The following INSC variants were observed in gnomAD, a reference collection of about 807,000 sequenced individuals.
The protein encoded by INSC is INSC spindle orientation adaptor protein, also known as protein inscuteable homolog.
INSC carries 67 observed loss-of-function variants against 58.6 expected under a neutral mutation model. The ratio of observed to expected loss-of-function variants is 1.14; its 90% confidence interval spans 0.94 to 1.40. INSC has a LOEUF of 1.40. INSC is among the 40% of genes most tolerant of loss of function. INSC has a pLI of 0.00. For synonymous variants in INSC, 262 were observed against 276.1 expected, an observed-to-expected ratio of 0.95 and a Z score of 0.51; for missense variants, 714 against 692.0, an observed-to-expected ratio of 1.03 and a Z score of -0.36.
intron 2 of INSC, among the ~76,000 whole-genome samples, chr11:15,164,590 T>G (rs1849131359): frequency 6.6e-6 from 1 of 152,234 alleles, no homozygotes; most frequent in Admixed American, 6.5e-5. Context: ...CTCCTTCTAG[T>G]TTCAGCCACT....
At chr11:15,166,912 T>C (rs187367188) in intron 2 of INSC, among the ~76,000 whole-genome samples, 32 of 152,300 alleles carry the variant, frequency 2.1e-4, no homozygotes, top group African/African-American at 5.5e-4. Context: ...TACACCTCTA[T>C]ATTTTCACCT....
intron 5 of INSC, among the ~76,000 whole-genome samples, chr11:15,183,434 AGTGTGTGTAT>A (rs1849852999): frequency 1.3e-5 from 1 of 75,816 alleles, no homozygotes; most frequent in Admixed American, 1.8e-4. Flanking sequence ...GATATATTGT[AGTGTGTGTAT>A]GTGTGTGTGT....
intron 5 of INSC, 119 bp downstream of exon 5, chr11:15,178,566 C>A: frequency 8.1e-7 from 1 of 1,237,640 alleles, no homozygotes; most frequent in Non-Finnish European, 1.1e-6. Flanking sequence ...TGGGAAACAT[C>A]TTACTCAAAC....
chr11:15,185,833 A>G (rs1228014538), intron 5 of INSC, among the ~76,000 whole-genome samples: 1 of 152,240 alleles, frequency 6.6e-6, no homozygotes, highest in Non-Finnish European at 1.5e-5. Context: ...TGGAAATTAC[A>G]TTCTTTCCAA....
chr11:15,245,530 C>T lies in INSC; in HGVS notation c.1471-382C>T, dbSNP rs1852527977. ...TCTACTTTTACAATATGTTCTCCCT[C>T]TCTTTTCCTCTTTTTTCCATAGTGC... On this transcript the variant is annotated intron_variant, in intron 12 of 12. Coordinates refer to ENST00000379556, the MANE Select transcript of INSC (RefSeq NM_001042536.3). Among the ~76,000 whole-genome samples the T allele has an allele frequency of 2.0e-5, 3 of 152,194 alleles. No homozygotes were observed. In the South Asian group the frequency reaches 6.2e-4, roughly 31 times the overall value.
At position 15,246,556 on chromosome 11, in the gene INSC, A is replaced by C. The variant is rs1852572276; in HGVS notation, c.*516A>C. The stretch of plus-strand genomic sequence containing the variant: ...GGATTTTCTTATTAAATTGTATTTT[A>C]AACTAGGTTCTTGCTTCCCAGGTTT... On this transcript the variant is annotated 3_prime_UTR_variant, in exon 13 of 13. Transcript: ENST00000379556. 6.5e-6 allele frequency: 1 copy of C among 152,756 alleles called. No homozygotes were observed. Among genetic ancestry groups the C allele is most frequent in the Admixed American group, 6.5e-5 (1 of 15,300 alleles). The allele number at this position is 152,756 out of a possible 1,614,324, so 9.5% of individuals were successfully genotyped here.
intron 7 of INSC, among the ~76,000 whole-genome samples, chr11:15,217,082 A>G (rs1352450916): frequency 6.6e-6 from 1 of 152,252 alleles, no homozygotes; most frequent in Non-Finnish European, 1.5e-5. Context: ...CTGTAAGGAC[A>G]TATCCAAGAC....
At chr11:15,263,391 G>C in the INSC span, among the ~76,000 whole-genome samples, 1 of 151,798 alleles carries the variant, frequency 6.6e-6, no homozygotes, top group East Asian at 1.9e-4. Flanking sequence ...TTTCTCAGTA[G>C]GATAAATAAA....
At chr11:15,205,777 C>G (rs577659257) in intron 7 of INSC, among the ~76,000 whole-genome samples, 2 of 152,186 alleles carry the variant, frequency 1.3e-5, no homozygotes, top group East Asian at 3.9e-4. Flanking sequence ...GGATGCAAAC[C>G]TAAGTCTGGC....
chr11:15,119,406 C>T (rs116741439), intron 1 of INSC, among the ~76,000 whole-genome samples: 1,832 of 152,272 alleles, frequency 0.012, 50 homozygotes, highest in African/African-American at 0.041. Context: ...GCGATCTGGC[C>T]GGTCTGATCT....
intron 7 of INSC, among the ~76,000 whole-genome samples, chr11:15,204,648 C>T (rs1009730431): frequency 6.6e-6 from 1 of 152,228 alleles, no homozygotes; most frequent in African/African-American, 2.4e-5. Context: ...CACAGAGTGA[C>T]AGGTGAGTGA....
At chr11:15,141,771 A>C (rs1449410192) in intron 1 of INSC, among the ~76,000 whole-genome samples, 4 of 151,838 alleles carry the variant, frequency 2.6e-5, no homozygotes, top group African/African-American at 9.7e-5. Flanking sequence ...TGTTGTGATT[A>C]CCTCCTAGAG....
intron 9 of INSC, among the ~76,000 whole-genome samples, chr11:15,232,054 C>T (rs907531918): frequency 1.3e-5 from 2 of 152,222 alleles, no homozygotes; most frequent in African/African-American, 4.8e-5. Flanking sequence ...AGGTCCCCTG[C>T]TATCCTTGAT....
intron 10 of INSC, 83 bp downstream of exon 10, chr11:15,235,751 G>T: frequency 8.6e-7 from 1 of 1,169,588 alleles, no homozygotes; most frequent in East Asian, 2.3e-5. Flanking sequence ...GAATGCCTGT[G>T]CAGGTATGTA....
intron 9 of INSC, among the ~76,000 whole-genome samples, chr11:15,227,276 G>A (rs1328408799): frequency 2.6e-5 from 4 of 152,134 alleles, no homozygotes; most frequent in Non-Finnish European, 1.5e-5. Context: ...TCCTGCCTGG[G>A]CCATTTATCA....
chr11:15,259,004 C>T, the INSC span, among the ~76,000 whole-genome samples: 1 of 152,146 alleles, frequency 6.6e-6, no homozygotes, highest in African/African-American at 2.4e-5. Context: ...AGCAACTGCT[C>T]TGTTCTTTGT....
chr11:15,122,082 G>C (rs1447067522), intron 1 of INSC, among the ~76,000 whole-genome samples: 8 of 152,182 alleles, frequency 5.3e-5, no homozygotes, highest in Admixed American at 3.3e-4. Flanking sequence ...CTTGTGATTG[G>C]TGTGTCATCG....
At chr11:15,235,771 A>T in intron 10 of INSC, 103 bp downstream of exon 10, 1 of 1,001,954 alleles carries the variant, frequency 1.0e-6, no homozygotes, top group Non-Finnish European at 1.6e-6. Context: ...AAATAGGTAC[A>T]TGTGGCCGGG....
rs149625861 is a variant in INSC, at chr11:15,217,071, G to A, written c.820-4406G>A. 1.8e-3 allele frequency among the ~76,000 whole-genome samples: 277 copies of A among 152,228 alleles called. 1 individual carries two copies. The highest frequency in any genetic ancestry group is 6.5e-3 in the African/African-American group (269 of 41,524). On this transcript the variant is annotated intron_variant, in intron 7 of 12. Transcript: ENST00000379556. ...AGGTGTATTAGTCTTTTTTCACATTGCTGTAAGGACATATCCAAGACTGGG... is the reference window on the plus strand; with the variant it reads ...AGGTGTATTAGTCTTTTTTCACATTACTGTAAGGACATATCCAAGACTGGG...
Sources: gnomAD v4.1 joint callset for allele counts (sites outside exome capture counted in the v4.1 genomes callset) on GRCh38, gnomAD v4.1.1 for gene constraint, MANE v1.5 for transcripts, NCBI Gene and HGNC (gene_info 2026-07-23, HGNC 2026-07-21) for gene names.